The following KALRN variants were observed in gnomAD, a reference collection of about 807,000 sequenced individuals.
KALRN encodes kalirin.
In KALRN, 70 loss-of-function variants were observed where a neutral mutation model predicts 353.7. The ratio of observed to expected loss-of-function variants is 0.20; its 90% CI spans 0.16 to 0.24. The LOEUF is 0.24. Among genes scored for constraint, KALRN ranks in the 10% least tolerant of loss-of-function variants. KALRN has a pLI of 1.00. For missense variants in KALRN, 2,791 were observed against 3,756.7 expected (o/e 0.74, Z 6.72); for synonymous variants, 1,391 against 1,434.8 (o/e 0.97, Z 0.69).
intron 54 of KALRN, among the ~76,000 whole-genome samples, chr3:124,696,883 C>T (rs1470939691): frequency 6.6e-6 from 1 of 152,146 alleles, no homozygotes; most frequent in Non-Finnish European, 1.5e-5. Context: ...TCTTGGCCAC[C>T]ACTGCTCTAC....
chr3:124,417,032 C>T (rs2092543627), intron 14 of KALRN, among the ~76,000 whole-genome samples: 1 of 152,124 alleles, frequency 6.6e-6, no homozygotes, highest in Admixed American at 6.5e-5. Context: ...ACAACTCTAA[C>T]CAAAGTAAAA....
At chr3:124,301,864 C>A (rs1178310294) in intron 6 of KALRN, among the ~76,000 whole-genome samples, 1 of 152,208 alleles carries the variant, frequency 6.6e-6, no homozygotes, top group African/African-American at 2.4e-5. Flanking sequence ...CCCACACATC[C>A]ATTCATGTAA....
intron 34 of KALRN, among the ~76,000 whole-genome samples, chr3:124,569,394 C>T (rs573225249): frequency 2.9e-4 from 44 of 152,242 alleles, no homozygotes; most frequent in African/African-American, 8.4e-4. Context: ...CTGAGAATGC[C>T]GGGCAAGTTT....
At chr3:124,067,729 G>T (rs2042492730) in intron 1 of KALRN, among the ~76,000 whole-genome samples, 1 of 152,218 alleles carries the variant, frequency 6.6e-6, no homozygotes. Flanking sequence ...CAGCAGGTAG[G>T]AGGTGCCTGT....
At chr3:124,375,183 C>T (rs1419806502) in intron 10 of KALRN, among the ~76,000 whole-genome samples, 1 of 152,080 alleles carries the variant, frequency 6.6e-6, no homozygotes, top group African/African-American at 2.4e-5. Context: ...TGCTTCCGAG[C>T]AGCAATATGA....
At chr3:124,065,620 A>C (rs2149238606) in intron 1 of KALRN, among the ~76,000 whole-genome samples, 1 of 135,900 alleles carries the variant, frequency 7.4e-6, no homozygotes, top group East Asian at 2.3e-4. Context: ...TATGACTAAA[A>C]CATTCCTTAG....
chr3:124,207,378 A>G (rs536202112), intron 1 of KALRN, among the ~76,000 whole-genome samples: 1 of 152,308 alleles, frequency 6.6e-6, no homozygotes, highest in Admixed American at 6.5e-5. Flanking sequence ...TCAGCAGGAA[A>G]CTGAGGTAGA....
intron 33 of KALRN, among the ~76,000 whole-genome samples, chr3:124,546,322 G>A (rs2069653238): frequency 6.7e-6 from 1 of 149,962 alleles, no homozygotes; most frequent in Admixed American, 6.6e-5. Flanking sequence ...AATTAGCCAG[G>A]TATAGTGGCA....
chr3:124,446,816 C>T lies in KALRN; in HGVS notation c.3483C>T (p.Ser1161=), dbSNP rs1260193069. The T allele has an allele frequency of 6.2e-7, 1 of 1,614,052 alleles. No individual in the cohort carries two copies. Among genetic ancestry groups the T allele is most frequent in the Non-Finnish European group, 8.5e-7 (1 of 1,179,946 alleles). ...TGEFYLSTHT[S]TGETTEETQE... ...AATTTTACCTCTCAACACATACCTC[C>T]ACTGGAGAGACCACAGAGGAGACTC... The change falls in exon 21 of 60, where the codon TCC becomes TCT. Residue 1161 remains serine (S), a synonymous_variant. Coordinates refer to ENST00000682506, the MANE Select transcript of KALRN (RefSeq NM_001388419.1).
At chr3:124,218,670 T>A (rs2077578686) in intron 1 of KALRN, among the ~76,000 whole-genome samples, 1 of 152,182 alleles carries the variant, frequency 6.6e-6, no homozygotes, top group South Asian at 2.1e-4. Context: ...GGCCATTTTC[T>A]TGTGTCTGTG....
At chr3:124,417,532 G>A (rs2092574027) in intron 14 of KALRN, among the ~76,000 whole-genome samples, 1 of 152,236 alleles carries the variant, frequency 6.6e-6, no homozygotes, top group South Asian at 2.1e-4. Flanking sequence ...AATCTCTGGA[G>A]TTTGTGGCCA....
At position 124,678,270 on chromosome 3, in the gene KALRN, C is replaced by A. The variant is rs746121650; in HGVS notation, c.7274C>A (p.Pro2425His). 1.9e-6 allele frequency: 3 copies of A among 1,614,070 alleles called. No individual in the cohort carries two copies. The South Asian group carries it at 3.3e-5, about 18-fold the overall frequency. The change falls in exon 50 of 60, where the codon CCT (proline) becomes CAT (histidine). Residue 2425 changes from proline (P) to histidine (H), a missense_variant. Transcript: ENST00000682506. ...ENTGKNEATG[P>H]RKPKDILGNK... ...ACGGGTAAAAATGAAGCCACAGGGC[C>A]TCGTAAACCCAAGGATATTCTGGGC... is the stretch of plus-strand genomic sequence containing the variant.
At chr3:124,475,225 A>G (rs1261802481) in intron 26 of KALRN, among the ~76,000 whole-genome samples, 1 of 152,170 alleles carries the variant, frequency 6.6e-6, no homozygotes, top group African/African-American at 2.4e-5. Flanking sequence ...TTTGAGTTCC[A>G]CCTAACAATT....
intron 2 of KALRN, among the ~76,000 whole-genome samples, chr3:124,232,980 G>T (rs1224150943): frequency 6.6e-6 from 1 of 152,066 alleles, no homozygotes; most frequent in African/African-American, 2.4e-5. Context: ...AGGAAGTTTG[G>T]AAAGTAGAGG....
intron 10 of KALRN, among the ~76,000 whole-genome samples, chr3:124,371,540 C>T (rs2085833960): frequency 6.6e-6 from 1 of 152,022 alleles, no homozygotes; most frequent in Non-Finnish European, 1.5e-5. Context: ...TACTAATTTA[C>T]CTTCCTACCA....
intron 56 of KALRN, among the ~76,000 whole-genome samples, chr3:124,701,131 T>G (rs1011319233): frequency 1.3e-5 from 2 of 152,220 alleles, no homozygotes; most frequent in African/African-American, 2.4e-5. Context: ...TGCTGTGTGT[T>G]TTGCTATTTG....
intron 33 of KALRN, among the ~76,000 whole-genome samples, chr3:124,560,036 G>A (rs774345189): frequency 5.3e-5 from 8 of 152,182 alleles, no homozygotes; most frequent in African/African-American, 9.7e-5. Context: ...GCCATCTAGT[G>A]GCGTATCTAG....
chr3:124,081,025 T>G (rs73857595), intron 1 of KALRN, among the ~76,000 whole-genome samples: 1 of 152,200 alleles, frequency 6.6e-6, no homozygotes, highest in African/African-American at 2.4e-5. Flanking sequence ...GCAGTTTATC[T>G]ACAGCAATTC....
intron 5 of KALRN, among the ~76,000 whole-genome samples, chr3:124,279,916 G>A (rs903206404): frequency 2.0e-5 from 3 of 152,184 alleles, no homozygotes; most frequent in African/African-American, 7.2e-5. Context: ...GTGAGCAAAG[G>A]CACAGCAGCC....
Sources: allele counts gnomAD v4.1 joint callset (sites outside exome capture counted in the v4.1 genomes callset), GRCh38; gene constraint gnomAD v4.1.1; transcripts MANE v1.5; gene names NCBI Gene and HGNC (gene_info 2026-07-23, HGNC 2026-07-21).